Variants in PALM2AKAP2 observed in about 807,000 individuals in gnomAD.
The protein encoded by PALM2AKAP2 is PALM2-AKAP2 fusion protein.
A neutral mutation model predicts 71.5 loss-of-function variants in PALM2AKAP2; 37 were observed. That is an observed-to-expected ratio of 0.52 (90% CI 0.40 to 0.68). The LOEUF is 0.68. PALM2AKAP2 is among the 30% of genes least tolerant of loss of function. The pLI, the probability that PALM2AKAP2 is intolerant of heterozygous loss-of-function variation, is 0.00. For missense variants in PALM2AKAP2, 1,224 were observed against 1,191.8 expected (o/e 1.03, Z -0.40); for synonymous variants, 468 against 478.8 (o/e 0.98, Z 0.29).
chr9:110,158,053 A>G (rs1481687143), intron 3 of PALM2AKAP2, among the ~76,000 whole-genome samples: 1 of 152,102 alleles, frequency 6.6e-6, no homozygotes, highest in Non-Finnish European at 1.5e-5. Flanking sequence ...AGACAGTGGG[A>G]TGATGCCCGG....
intron 1 of PALM2AKAP2, among the ~76,000 whole-genome samples, chr9:109,816,271 C>T (rs749529833): frequency 4.6e-5 from 7 of 151,966 alleles, no homozygotes; most frequent in African/African-American, 9.7e-5. Context: ...AGCCAAAGGA[C>T]GAGGAGGCAA....
intron 1 of PALM2AKAP2, among the ~76,000 whole-genome samples, chr9:109,791,406 C>T (rs1827108806): frequency 6.6e-6 from 1 of 152,254 alleles, no homozygotes; most frequent in South Asian, 2.1e-4. Flanking sequence ...CTCTCATCCC[C>T]TCTCAGCCTG....
chr9:110,080,877 A>T (rs1372303904), intron 1 of PALM2AKAP2, among the ~76,000 whole-genome samples: 1 of 152,162 alleles, frequency 6.6e-6, no homozygotes, highest in Non-Finnish European at 1.5e-5. Context: ...ATGAGGTTTC[A>T]TCATGTTGGC....
At position 109,673,941 on chromosome 9, in the gene PALM2AKAP2, A is replaced by C. The variant is rs774633880; in HGVS notation, c.5+33075A>C. 9.0e-4 allele frequency among the ~76,000 whole-genome samples: 136 copies of C among 151,812 alleles called. 2 individuals carry two copies. The highest frequency in any genetic ancestry group is 2.5e-4 in the Non-Finnish European group (17 of 67,904). ...CAACCCCTGCTTTTTTCTGTTTTTC[A>C]TTCACTTGGTAGATTTTTCTCCATA... On this transcript the variant is annotated intron_variant, in intron 1 of 6. Coordinates refer to the PALM2AKAP2 transcript ENST00000374531.
At chr9:109,702,486 G>T (rs1466657108) in intron 1 of PALM2AKAP2, among the ~76,000 whole-genome samples, 2 of 151,392 alleles carry the variant, frequency 1.3e-5, no homozygotes, top group African/African-American at 2.4e-5. Flanking sequence ...GCAAACTATT[G>T]CAAGGACAAA....
intron 6 of PALM2AKAP2, among the ~76,000 whole-genome samples, chr9:109,985,905 C>G (rs1007529593): frequency 3.3e-5 from 5 of 152,262 alleles, no homozygotes; most frequent in African/African-American, 1.2e-4. Flanking sequence ...CCACCTTGGC[C>G]TCCCAAAGTG....
chr9:110,066,655 C>T (rs751018776), intron 1 of PALM2AKAP2, among the ~76,000 whole-genome samples: 1 of 149,202 alleles, frequency 6.7e-6, no homozygotes, highest in African/African-American at 2.5e-5. Context: ...GCTATGATCA[C>T]AACACTGCAC....
rs573757835 is a variant in PALM2AKAP2 at position 109,730,055 on chromosome 9, C to A, written c.6-50433C>A. Reference sequence around the variant, plus strand: ...GTGGTGAGCAAATGTCTTGAGGAGACAGAAGTTACCTTGCAAAGGAGACTT... The same window carrying A: ...GTGGTGAGCAAATGTCTTGAGGAGAAAGAAGTTACCTTGCAAAGGAGACTT... On this transcript the variant is annotated intron_variant, in intron 1 of 6. Coordinates refer to the PALM2AKAP2 transcript ENST00000374531. Among the ~76,000 whole-genome samples, 6 of 152,226 alleles carry A rather than the reference C, an allele frequency of 3.9e-5. No homozygotes were observed. In the Middle Eastern group the frequency reaches 0.01, roughly 259 times the overall value.
chr9:109,833,690 T>C (rs1010595417), intron 1 of PALM2AKAP2, among the ~76,000 whole-genome samples: 3 of 152,192 alleles, frequency 2.0e-5, no homozygotes, highest in Non-Finnish European at 4.4e-5. Context: ...CAGTACAGGG[T>C]ACTTAGCATG....
At chr9:109,942,720 C>A (rs1446452487) in intron 6 of PALM2AKAP2, 2 of 1,601,908 alleles carry the variant, frequency 1.2e-6, no homozygotes, top group South Asian at 2.3e-5. Context: ...TGGAGAAAGA[C>A]AAACAAACAG....
rs529416391 is a variant in PALM2AKAP2 at position 110,086,725 on chromosome 9, T to A, written c.156+37870T>A. Among the ~76,000 whole-genome samples the A allele has an allele frequency of 2.6e-5, 4 of 152,368 alleles. No homozygotes were observed. In the South Asian group the frequency reaches 8.3e-4, roughly 32 times the overall value. On this transcript the variant is annotated intron_variant, in intron 1 of 3. Transcript: ENST00000374525. The stretch of plus-strand genomic sequence containing the variant: ...GTTTCTGGACACAGAGGCAGTATTT[T>A]CCATCCCTGTCCTACAGAGTGTATT...
At chr9:109,967,982 T>C (rs1185847304) in intron 6 of PALM2AKAP2, among the ~76,000 whole-genome samples, 2 of 152,232 alleles carry the variant, frequency 1.3e-5, no homozygotes, top group Non-Finnish European at 2.9e-5. Flanking sequence ...GGACTTGGTC[T>C]TTTTCTCTGC....
chr9:109,971,138 G>A (rs1012067708), intron 6 of PALM2AKAP2, among the ~76,000 whole-genome samples: 12 of 151,982 alleles, frequency 7.9e-5, no homozygotes, highest in Non-Finnish European at 1.8e-4. Context: ...GCTTCAGGAG[G>A]TTAGGGATCT....
intron 1 of PALM2AKAP2, among the ~76,000 whole-genome samples, chr9:110,132,644 C>G (rs948567744): frequency 4.0e-5 from 6 of 150,462 alleles, no homozygotes; most frequent in African/African-American, 1.5e-4. Flanking sequence ...TTGAGACAGT[C>G]TCACTTCCTC....
intron 6 of PALM2AKAP2, chr9:109,943,132 A>G (rs2132045810): frequency 1.9e-6 from 3 of 1,614,254 alleles, no homozygotes; most frequent in East Asian, 2.2e-5. Flanking sequence ...CATGATTTTT[A>G]TGGGCTACCA....
chr9:110,135,744 A>G (rs1302799274), intron 1 of PALM2AKAP2, among the ~76,000 whole-genome samples: 1 of 152,214 alleles, frequency 6.6e-6, no homozygotes, highest in Non-Finnish European at 1.5e-5. Context: ...AGAGAGTCAT[A>G]TGTTTTAAAG....
intron 1 of PALM2AKAP2, among the ~76,000 whole-genome samples, chr9:109,793,971 C>T (rs1827182859): frequency 6.6e-6 from 1 of 152,196 alleles, no homozygotes; most frequent in Non-Finnish European, 1.5e-5. Flanking sequence ...TATTTACTAT[C>T]TGACCATTTG....
chr9:110,095,826 A>G (rs1279607553), intron 1 of PALM2AKAP2, among the ~76,000 whole-genome samples: 1 of 152,136 alleles, frequency 6.6e-6, no homozygotes, highest in Non-Finnish European at 1.5e-5. Flanking sequence ...TGGAAGGAGT[A>G]TTGAGTTCCT....
At chr9:109,920,937 G>A (rs1304089013) in intron 3 of PALM2AKAP2, among the ~76,000 whole-genome samples, 4 of 152,054 alleles carry the variant, frequency 2.6e-5, no homozygotes, top group Non-Finnish European at 5.9e-5. Flanking sequence ...TGACTGTCTC[G>A]TGTGTTGTTC....
Sources: gnomAD v4.1 joint callset for allele counts (sites outside exome capture counted in the v4.1 genomes callset) on GRCh38, gnomAD v4.1.1 for gene constraint, MANE v1.5 for transcripts, NCBI Gene and HGNC (gene_info 2026-07-23, HGNC 2026-07-21) for gene names.